The following PROM1 variants were observed in gnomAD, a reference collection of about 807,000 sequenced individuals.
PROM1 encodes prominin-1.
PROM1 carries 105 observed loss-of-function variants against 116.9 expected under a neutral mutation model. The observed-to-expected ratio is 0.90, with a 90% CI of 0.77 to 1.06. The LOEUF (loss-of-function observed/expected upper bound fraction) is 1.06, where lower values mean the gene tolerates loss of function less well. PROM1 is among the 50% of genes least tolerant of loss of function. The pLI, the probability that PROM1 is intolerant of heterozygous loss-of-function variation, is 0.00. For missense variants in PROM1, 1,122 were observed against 1,045.2 expected (o/e 1.07, Z -1.01); for synonymous variants, 393 against 387.0 (o/e 1.02, Z -0.18).
intron 1 of PROM1, 25 bp from the exon 2 acceptor site, chr4:16,076,143 G>C (rs1743905680): frequency 2.6e-6 from 2 of 777,670 alleles, no homozygotes; most frequent in Non-Finnish European, 3.8e-6. Context: ...AACAGCAGCA[G>C]AGTCATCAAT....
intron 15 of PROM1, 135 bp downstream of exon 15, chr4:15,998,250 A>G (rs909070497): frequency 7.6e-7 from 1 of 1,313,984 alleles, no homozygotes; most frequent in African/African-American, 1.5e-5. Context: ...CTGTGTCTTT[A>G]AAATAATACA....
chr4:16,070,805 A>G (rs1290743410), intron 2 of PROM1, among the ~76,000 whole-genome samples: 1 of 152,166 alleles, frequency 6.6e-6, no homozygotes, highest in Non-Finnish European at 1.5e-5. Context: ...CTTAACCTCA[A>G]AAGTGAAGGG....
At chr4:16,000,082 C>T (rs923338065) in intron 14 of PROM1, among the ~76,000 whole-genome samples, 1 of 152,180 alleles carries the variant, frequency 6.6e-6, no homozygotes. Context: ...ATATAGGGCT[C>T]ATCTGTGTGG....
At chr4:16,019,732 G>A (rs569759295) in intron 8 of PROM1, among the ~76,000 whole-genome samples, 8 of 152,192 alleles carry the variant, frequency 5.3e-5, no homozygotes, top group East Asian at 1.9e-4. Flanking sequence ...TCAGGTCTTC[G>A]CTCTGTGGTT....
chr4:16,026,259 C>G (rs981938434), intron 5 of PROM1, among the ~76,000 whole-genome samples: 2 of 151,922 alleles, frequency 1.3e-5, no homozygotes, highest in African/African-American at 4.8e-5. Flanking sequence ...ACTAATAATC[C>G]TTTGACTTAA....
rs370736469 is a variant in PROM1 at position 15,980,449 on chromosome 4, C to T, written c.2462G>A (p.Arg821Gln). 3.9e-6 allele frequency: 6 copies of T among 1,553,458 alleles called. No individual in the cohort carries two copies. In the South Asian group the frequency reaches 4.8e-5, roughly 12 times the overall value. Reference sequence around the variant, plus strand: ...ATCGTACACGTCCTCCGAATCCATTCGACGATAGTACTTAGCCAGTTTTAC... The same window carrying T: ...ATCGTACACGTCCTCCGAATCCATTTGACGATAGTACTTAGCCAGTTTTAC... The part of the protein sequence containing the change: ...FAVKLAKYYR[R>Q]MDSEDVYDDV... The change falls in exon 24 of 28, where the codon CGA (arginine) becomes CAA (glutamine). Residue 821 changes from arginine (R) to glutamine (Q), a missense_variant. Coordinates refer to ENST00000447510, the MANE Select transcript of PROM1 (RefSeq NM_006017.3).
intron 1 of PROM1, among the ~76,000 whole-genome samples, chr4:16,081,767 C>T (rs936950054): frequency 3.3e-5 from 5 of 152,146 alleles, no homozygotes; most frequent in Admixed American, 3.3e-4. Context: ...TCAGCTTGTC[C>T]TCTGATGCAT....
intron 15 of PROM1, among the ~76,000 whole-genome samples, chr4:15,995,404 G>A (rs1722079491): frequency 6.6e-6 from 1 of 151,490 alleles, no homozygotes; most frequent in African/African-American, 2.4e-5. Flanking sequence ...AGGAGGAGGA[G>A]GAGAAGAAGA....
chr4:16,063,453 A>C (rs1382613122), intron 2 of PROM1, among the ~76,000 whole-genome samples: 1 of 152,038 alleles, frequency 6.6e-6, no homozygotes, highest in Non-Finnish European at 1.5e-5. Context: ...AAAATTAGCC[A>C]AGCATGGTGG....
At chr4:16,035,509 CTACT>C (rs1733751687) in intron 4 of PROM1, among the ~76,000 whole-genome samples, 1 of 152,206 alleles carries the variant, frequency 6.6e-6, no homozygotes, top group Non-Finnish European at 1.5e-5. Flanking sequence ...AGGCCTGTCA[CTACT>C]TAAACTGTTT....
At chr4:15,976,006 C>G (rs928830368) in intron 26 of PROM1, among the ~76,000 whole-genome samples, 4 of 152,146 alleles carry the variant, frequency 2.6e-5, no homozygotes, top group Non-Finnish European at 4.4e-5. Flanking sequence ...TGCTGTGGAC[C>G]GTTAAGGAAG....
At chr4:16,005,286 C>A (rs1353856813) in intron 13 of PROM1, among the ~76,000 whole-genome samples, 1 of 152,096 alleles carries the variant, frequency 6.6e-6, no homozygotes, top group Non-Finnish European at 1.5e-5. Flanking sequence ...TAAGCTTTGG[C>A]CTGTGAGCAT....
At chr4:15,989,652 G>C (rs2240685) in intron 19 of PROM1, 80 bp downstream of exon 19, 105 of 1,178,536 alleles carry the variant, frequency 8.9e-5, no homozygotes, top group Non-Finnish European at 1.2e-4. Context: ...AGCATGTGTC[G>C]TGAGGCTAAA....
At position 16,058,625 on chromosome 4, in the gene PROM1, C is replaced by T. The variant is rs1388470668; in HGVS notation, c.220+17062G>A. Among the ~76,000 whole-genome samples, 4 of 145,444 alleles carry T rather than the reference C, an allele frequency of 2.8e-5. No individual in the cohort carries two copies. The East Asian group carries it at 6.0e-4, about 22-fold the overall frequency. On this transcript the variant is annotated intron_variant, in intron 2 of 27. Coordinates refer to ENST00000447510, the MANE Select transcript of PROM1 (RefSeq NM_006017.3). ...TCACGCCACTGCACTCTAGCCTGGG[C>T]GACAGAATAAGACTCCATCTCCGGG...
At chr4:16,020,203 T>C (rs1229038926) in intron 8 of PROM1, among the ~76,000 whole-genome samples, 1 of 152,206 alleles carries the variant, frequency 6.6e-6, no homozygotes, top group African/African-American at 2.4e-5. Context: ...GCTTCCAGAA[T>C]TGAACTGTAT....
At chr4:16,025,679 T>A (rs1001641423) in intron 5 of PROM1, among the ~76,000 whole-genome samples, 3 of 151,930 alleles carry the variant, frequency 2.0e-5, no homozygotes, top group Non-Finnish European at 4.4e-5. Flanking sequence ...GTACACACCC[T>A]CCTGTGTGAA....
Position 15,987,680 on chromosome 4 carries a change from T to G in PROM1, c.2113A>C (p.Thr705Pro). The change falls in exon 20 of 28, where the codon ACA becomes CCA. Residue 705 changes from threonine (T) to proline (P), a missense_variant. Thr to Pro is a conservative substitution (Grantham distance 38). Transcript: ENST00000447510. ...LYQSVKILQR[T>P]GNGLLERVTR... ...ACCCTTACCAACAATCCATTCCCTG[T>G]GCGTTGAAGTATCTTGACGCTTTGG... is the stretch of plus-strand genomic sequence containing the variant. 6.2e-7 allele frequency: 1 copy of G among 1,611,786 alleles called. No homozygotes were observed. The highest frequency in any genetic ancestry group is 8.5e-7 in the Non-Finnish European group (1 of 1,179,168).
At chr4:16,055,273 G>A (rs574340734) in intron 2 of PROM1, 16 of 393,318 alleles carry the variant, frequency 4.1e-5, no homozygotes, top group South Asian at 1.9e-4. Context: ...GGTGGCTTAC[G>A]TCTACAGTTC....
At chr4:15,994,390 A>G (rs540711120) in intron 15 of PROM1, among the ~76,000 whole-genome samples, 1 of 152,364 alleles carries the variant, frequency 6.6e-6, no homozygotes, top group East Asian at 1.9e-4. Context: ...ATTCTCATTA[A>G]AAAGAAAAAC....
Sources: gnomAD v4.1 joint callset for allele counts (sites outside exome capture counted in the v4.1 genomes callset) on GRCh38, gnomAD v4.1.1 for gene constraint, MANE v1.5 for transcripts, NCBI Gene and HGNC (gene_info 2026-07-23, HGNC 2026-07-21) for gene names.